The following RYR3 variants were observed in gnomAD, a reference collection of about 807,000 sequenced individuals.
RYR3 encodes the protein brain ryanodine receptor-calcium release channel.
RYR3 carries 207 observed loss-of-function variants against 584.3 expected under a neutral mutation model. That is an observed-to-expected ratio of 0.35 (90% CI 0.32 to 0.40). The LOEUF is 0.40. Among genes scored for constraint, RYR3 ranks in the 10% least tolerant of loss-of-function variants. The pLI is 1.00. For synonymous variants in RYR3, 2,416 were observed against 2,248.5 expected, an observed-to-expected ratio of 1.07 and a Z score of -2.11; for missense variants, 5,616 against 6,089.2, an observed-to-expected ratio of 0.92 and a Z score of 2.59.
intron 36 of RYR3, 68 bp downstream of exon 36, chr15:33,663,805 A>G: frequency 4.4e-6 from 6 of 1,367,942 alleles, no homozygotes; most frequent in Non-Finnish European, 6.1e-6. Context: ...AACAGGGCAC[A>G]TGAAACCTCT....
intron 65 of RYR3, among the ~76,000 whole-genome samples, chr15:33,784,350 T>C (rs1475912327): frequency 6.6e-6 from 1 of 152,132 alleles, no homozygotes; most frequent in Non-Finnish European, 1.5e-5. Flanking sequence ...AATCTGAAAA[T>C]CTAGAGAAGA....
intron 3 of RYR3, among the ~76,000 whole-genome samples, chr15:33,509,853 G>A (rs1188096285): frequency 6.6e-6 from 1 of 152,050 alleles, no homozygotes; most frequent in African/African-American, 2.4e-5. Flanking sequence ...TAACCTTTGG[G>A]ACACTCCTCC....
chr15:33,654,833 C>T (rs2062729390), intron 32 of RYR3, among the ~76,000 whole-genome samples: 1 of 152,240 alleles, frequency 6.6e-6, no homozygotes, highest in African/African-American at 2.4e-5. Context: ...GATAAAACCC[C>T]TGATTCTTAA....
At chr15:33,500,065 C>T (rs535108195) in intron 2 of RYR3, among the ~76,000 whole-genome samples, 5 of 152,332 alleles carry the variant, frequency 3.3e-5, no homozygotes, top group East Asian at 1.9e-4. Context: ...AGGATCTGTT[C>T]AAGAAGACTT....
intron 67 of RYR3, among the ~76,000 whole-genome samples, chr15:33,798,301 G>C (rs2075738937): frequency 6.6e-6 from 1 of 152,080 alleles, no homozygotes; most frequent in African/African-American, 2.4e-5. Flanking sequence ...ACATTGGCCA[G>C]GCTGGTCTCA....
At chr15:33,746,204 T>G (rs371732378) in intron 53 of RYR3, 47 bp downstream of exon 53, 19 of 1,310,738 alleles carry the variant, frequency 1.4e-5, no homozygotes, top group Non-Finnish European at 2.1e-5. Flanking sequence ...GCTGTTTCCT[T>G]CCTTGAGTGA....
chr15:33,530,913 T>A (rs1260250071), intron 4 of RYR3, among the ~76,000 whole-genome samples: 1 of 152,172 alleles, frequency 6.6e-6, no homozygotes, highest in East Asian at 1.9e-4. Context: ...GGGCCATGTT[T>A]CTTTCTTATT....
intron 103 of RYR3, among the ~76,000 whole-genome samples, chr15:33,864,555 G>A (rs1347905562): frequency 6.6e-6 from 1 of 151,138 alleles, no homozygotes; most frequent in Non-Finnish European, 1.5e-5. Context: ...GAAAGATAAC[G>A]ACCTCATGTG....
At chr15:33,450,726 A>G (rs1295079817) in intron 1 of RYR3, among the ~76,000 whole-genome samples, 1 of 151,964 alleles carries the variant, frequency 6.6e-6, no homozygotes. Flanking sequence ...ATTTCATGTC[A>G]AGTAAATGGG....
At chr15:33,571,379 T>G (rs2058019985) in intron 12 of RYR3, among the ~76,000 whole-genome samples, 1 of 152,212 alleles carries the variant, frequency 6.6e-6, no homozygotes, top group Non-Finnish European at 1.5e-5. Flanking sequence ...GTTTATTACA[T>G]TAACTGGTGG....
At chr15:33,598,763 A>T (rs2059516968) in intron 16 of RYR3, among the ~76,000 whole-genome samples, 1 of 151,062 alleles carries the variant, frequency 6.6e-6, no homozygotes, top group African/African-American at 2.4e-5. Flanking sequence ...AAAAAAAAAA[A>T]TAGGAGTTGG....
At chr15:33,472,077 T>C (rs1178398870) in intron 1 of RYR3, among the ~76,000 whole-genome samples, 1 of 152,242 alleles carries the variant, frequency 6.6e-6, no homozygotes, top group East Asian at 1.9e-4. Flanking sequence ...ATTCTGATTT[T>C]ACTATAAGCA....
Position 33,840,871 on chromosome 15 carries a change from C to G in RYR3, c.13025C>G (p.Ser4342Cys). 1 of 1,613,802 alleles carries G rather than the reference C, an allele frequency of 6.2e-7. No homozygotes were observed. Among genetic ancestry groups the G allele is most frequent in the Non-Finnish European group, 8.5e-7 (1 of 1,179,812 alleles). ...AANEAEGKVE[S>C]EKADMEDGEK... Reference sequence around the variant, plus strand: ...AATGAAGCAGAAGGAAAAGTAGAATCCGAGAAGGCAGAGTAAGTTCTTGGT... The same window carrying G: ...AATGAAGCAGAAGGAAAAGTAGAATGCGAGAAGGCAGAGTAAGTTCTTGGT... Residue 4342 changes from serine to cysteine, a missense_variant, in exon 90 of 104, where the codon TCC becomes TGC. By Grantham distance (112) the Ser-to-Cys change is moderately radical. Coordinates refer to ENST00000634891, the MANE Select transcript of RYR3 (RefSeq NM_001036.6).
At chr15:33,648,771 C>G (rs1204135048) in intron 30 of RYR3, among the ~76,000 whole-genome samples, 1 of 152,218 alleles carries the variant, frequency 6.6e-6, no homozygotes, top group African/African-American at 2.4e-5. Context: ...GCCACTGCTT[C>G]CATCCACAGC....
intron 1 of RYR3, among the ~76,000 whole-genome samples, chr15:33,381,246 C>T (rs113014551): frequency 0.014 from 2,076 of 152,120 alleles, 47 homozygotes; most frequent in African/African-American, 0.047. Flanking sequence ...TAGAAATGCC[C>T]GAGACCCATA....
intron 38 of RYR3, among the ~76,000 whole-genome samples, chr15:33,694,285 G>A (rs1480935842): frequency 2.0e-5 from 3 of 149,252 alleles, no homozygotes; most frequent in Admixed American, 6.7e-5. Context: ...TTGGTCTGTC[G>A]CCCAGCTGGA....
At chr15:33,360,914 C>T (rs933739366) in intron 1 of RYR3, among the ~76,000 whole-genome samples, 19 of 152,354 alleles carry the variant, frequency 1.2e-4, no homozygotes, top group Non-Finnish European at 2.2e-4. Context: ...GCAGAGGTTG[C>T]ACACCCACTT....
intron 2 of RYR3, among the ~76,000 whole-genome samples, chr15:33,497,470 C>A (rs575240406): frequency 1.8e-4 from 27 of 152,302 alleles, no homozygotes; most frequent in African/African-American, 6.3e-4. Context: ...ATTCCCTTAT[C>A]TCTATTCCTG....
chr15:33,432,258 GA>G (rs1190290137), intron 1 of RYR3, among the ~76,000 whole-genome samples: 1 of 152,094 alleles, frequency 6.6e-6, no homozygotes, highest in African/African-American at 2.4e-5. Context: ...CTACAGGAGG[GA>G]AAAAACCAAG....
Sources: gnomAD v4.1 joint callset for allele counts (sites outside exome capture counted in the v4.1 genomes callset) on GRCh38, gnomAD v4.1.1 for gene constraint, MANE v1.5 for transcripts, NCBI Gene and HGNC (gene_info 2026-07-23, HGNC 2026-07-21) for gene names.